KIF21A: variants seen among roughly 807,000 people sequenced by gnomAD.
KIF21A encodes kinesin-like protein KIF21A.
In KIF21A, 114 loss-of-function variants were observed where a neutral mutation model predicts 202.9. The ratio of observed to expected loss-of-function variants is 0.56; its 90% CI spans 0.48 to 0.66. The LOEUF is 0.66. Among genes scored for constraint, KIF21A ranks in the 30% least tolerant of loss-of-function variants. The probability of loss-of-function intolerance (pLI) is 0.00; values close to 1 mark genes in which losing one functional copy is unlikely to be tolerated. For missense variants in KIF21A, 1,677 were observed against 1,994.9 expected, an observed-to-expected ratio of 0.84 and a Z score of 3.04; for synonymous variants, 667 against 670.8, an observed-to-expected ratio of 0.99 and a Z score of 0.09.
chr12:39,374,063 C>T (rs1950122889), intron 1 of KIF21A, among the ~76,000 whole-genome samples: 2 of 152,170 alleles, frequency 1.3e-5, no homozygotes, highest in South Asian at 4.1e-4. Flanking sequence ...GATAGGTTCA[C>T]CTTTTTAATT....
At chr12:39,365,963 A>G (rs551624098) in intron 6 of KIF21A, among the ~76,000 whole-genome samples, 1 of 152,350 alleles carries the variant, frequency 6.6e-6, no homozygotes, top group East Asian at 1.9e-4. Context: ...TGATCGCACC[A>G]CTGTACTCCA....
At chr12:39,296,711 T>C (rs777528059) in intron 37 of KIF21A, among the ~76,000 whole-genome samples, 17 of 152,148 alleles carry the variant, frequency 1.1e-4, no homozygotes, top group Non-Finnish European at 2.1e-4. Context: ...CAGGAGTGGC[T>C]TTGGAATGTT....
intron 31 of KIF21A, among the ~76,000 whole-genome samples, chr12:39,314,714 C>G (rs559996636): frequency 6.6e-6 from 1 of 151,772 alleles, no homozygotes; most frequent in East Asian, 1.9e-4. Context: ...AAATGTTTCC[C>G]TGATGATGTA....
chr12:39,361,708 G>A (rs1355910018), intron 7 of KIF21A, among the ~76,000 whole-genome samples: 3 of 151,922 alleles, frequency 2.0e-5, no homozygotes, highest in African/African-American at 4.8e-5. Context: ...GGGTTTCACC[G>A]TGTTAGCCAG....
At chr12:39,406,045 G>C (rs1335677227) in intron 1 of KIF21A, among the ~76,000 whole-genome samples, 2 of 151,636 alleles carry the variant, frequency 1.3e-5, no homozygotes, top group Non-Finnish European at 2.9e-5. Flanking sequence ...AGAAAGCTTA[G>C]AACATTCAAA....
chr12:39,430,618 T>C lies in KIF21A; in HGVS notation c.44+12309A>G, dbSNP rs113384654. Among the ~76,000 whole-genome samples the C allele has an allele frequency of 2.7e-3, 408 of 152,130 alleles. 3 individuals carry two copies. The highest frequency in any genetic ancestry group is 9.0e-3 in the African/African-American group (374 of 41,514). On this transcript the variant is annotated intron_variant, in intron 1 of 37. Coordinates refer to ENST00000361418, the MANE Select transcript of KIF21A (RefSeq NM_001173464.2). The stretch of plus-strand genomic sequence containing the variant: ...ATATCAATTTATTTTTTTGTGAACA[T>C]TAATATATTTTATACCATATTGGGC...
At chr12:39,376,192 C>T (rs1174826891) in intron 1 of KIF21A, among the ~76,000 whole-genome samples, 1 of 152,072 alleles carries the variant, frequency 6.6e-6, no homozygotes, top group Non-Finnish European at 1.5e-5. Flanking sequence ...TTCCTGCATA[C>T]ATGTATGCAT....
At chr12:39,310,047 TCTTG>T (rs1456080729) in intron 32 of KIF21A, among the ~76,000 whole-genome samples, 1 of 151,972 alleles carries the variant, frequency 6.6e-6, no homozygotes, top group Non-Finnish European at 1.5e-5. Context: ...ATATCAAGAG[TCTTG>T]CTTCAAATTG....
rs778271459 is a variant in KIF21A, at chr12:39,337,200, G to A, written c.2314C>T (p.Arg772Cys). 15 of 1,595,966 alleles carry A rather than the reference G, an allele frequency of 9.4e-6. No homozygotes were observed. The highest frequency in any genetic ancestry group is 3.3e-5 in the Admixed American group (2 of 59,916). ...DVMEMKKTKV[R>C]LMKQMKEEQE... is the part of the protein sequence containing the mutation. ...TCTTCTTTCATTTGTTTCATTAGGCGAACCTAACCAATTAGGTATAGACAT... is the reference window on the plus strand; with the variant it reads ...TCTTCTTTCATTTGTTTCATTAGGCAAACCTAACCAATTAGGTATAGACAT... The change falls in exon 17 of 38, where the codon CGC becomes TGC. Residue 772 changes from arginine (R) to cysteine (C), a missense_variant. Arg to Cys is a radical substitution (Grantham distance 180). Around this residue, in one of 3 missense-constraint regions of KIF21A, gnomAD observed 966 missense variants for 1,180.9 expected, o/e 0.82. Coordinates refer to ENST00000361418, the MANE Select transcript of KIF21A (RefSeq NM_001173464.2).
chr12:39,357,471 G>T lies in KIF21A; in HGVS notation c.1216-34C>A, dbSNP rs17127056. 720 of 1,570,454 alleles carry T rather than the reference G, an allele frequency of 4.6e-4. 5 individuals are homozygous for T. In the East Asian group the frequency reaches 0.014, roughly 30 times the overall value. On this transcript the variant is annotated intron_variant, in intron 8 of 37. Transcript: ENST00000361418. ...GGAAAATAATGTCCTTGTTGGTTGAGGAGCCTTAAAAACACAAGAGTTTTG... is the reference window on the plus strand; with the variant it reads ...GGAAAATAATGTCCTTGTTGGTTGATGAGCCTTAAAAACACAAGAGTTTTG...
intron 1 of KIF21A, among the ~76,000 whole-genome samples, chr12:39,398,844 G>T (rs1351376972): frequency 6.6e-6 from 1 of 152,116 alleles, no homozygotes; most frequent in African/African-American, 2.4e-5. Flanking sequence ...TTCCACATCT[G>T]TGGATTCAAC....
intron 3 of KIF21A, 72 bp downstream of exon 3, chr12:39,369,657 C>G: frequency 3.5e-5 from 40 of 1,131,554 alleles, no homozygotes; most frequent in Non-Finnish European, 5.3e-5. Flanking sequence ...TTGAAGCCAA[C>G]AGTATAAAAT....
chr12:39,318,908 G>A (rs61039034), intron 28 of KIF21A, among the ~76,000 whole-genome samples: 15,758 of 151,950 alleles, frequency 0.1, 814 homozygotes, highest in East Asian at 0.13. Context: ...GTGAACCCGG[G>A]AGGCGGAGTT....
At chr12:39,370,412 A>G in intron 1 of KIF21A, 151 bp from the exon 2 acceptor site, 1 of 635,922 alleles carries the variant, frequency 1.6e-6, no homozygotes, top group Non-Finnish European at 2.7e-6. Flanking sequence ...AATAAATTGA[A>G]TTATAATGAA....
intron 1 of KIF21A, among the ~76,000 whole-genome samples, chr12:39,424,282 C>T (rs1177930803): frequency 1.3e-5 from 2 of 152,176 alleles, no homozygotes; most frequent in African/African-American, 2.4e-5. Context: ...CTTTCTCCTA[C>T]CTCACTACTA....
chr12:39,412,696 T>A (rs750442605), intron 1 of KIF21A, among the ~76,000 whole-genome samples: 5 of 152,090 alleles, frequency 3.3e-5, no homozygotes, highest in Admixed American at 6.6e-5. Context: ...CCAGCCTGGG[T>A]GACAGAGCCA....
intron 1 of KIF21A, among the ~76,000 whole-genome samples, chr12:39,398,876 C>CA (rs1184262135): frequency 3.3e-5 from 5 of 151,508 alleles, no homozygotes; most frequent in Non-Finnish European, 5.9e-5. Context: ...CAAAAATACT[C>CA]AAAAAAATTA....
intron 19 of KIF21A, 49 bp from the exon 20 acceptor site, chr12:39,332,793 A>G (rs12231735): frequency 0.09 from 143,839 of 1,601,724 alleles, 9,234 homozygotes; most frequent in South Asian, 0.28. Context: ...CACTTATTTG[A>G]TTGTGCACTG....
At chr12:39,315,359 A>C (rs2137492961) in intron 30 of KIF21A, 119 bp from the exon 31 acceptor site, 2 of 842,774 alleles carry the variant, frequency 2.4e-6, no homozygotes, top group East Asian at 4.9e-5. Context: ...GAAGTTAAGG[A>C]CCCCCAGAAA....
Sources: gnomAD v4.1 joint callset for allele counts (sites outside exome capture counted in the v4.1 genomes callset) on GRCh38, gnomAD v4.1.1 for gene constraint, gnomAD v4.1.1 regional missense constraint, MANE v1.5 for transcripts, NCBI Gene and HGNC (gene_info 2026-07-23, HGNC 2026-07-21) for gene names.